Variants in DPP10 observed in about 807,000 individuals in gnomAD.
The protein encoded by DPP10 is dipeptidyl peptidase like 10.
In DPP10, 33 loss-of-function variants were observed where a neutral mutation model predicts 120.9. The ratio of observed to expected loss-of-function variants is 0.27; its 90% CI spans 0.21 to 0.37. DPP10 has a LOEUF of 0.37. Among genes scored for constraint, DPP10 ranks in the 10% least tolerant of loss-of-function variants. The pLI is 1.00. For missense variants in DPP10, 816 were observed against 942.8 expected (o/e 0.87, Z 1.76); for synonymous variants, 337 against 326.1 (o/e 1.03, Z -0.36).
At chr2:114,962,410 C>T (rs189689330) in intron 1 of DPP10, among the ~76,000 whole-genome samples, 23 of 152,174 alleles carry the variant, frequency 1.5e-4, no homozygotes, top group East Asian at 3.9e-4. Context: ...TCATGGGCAT[C>T]GGGCAAGGGA....
chr2:115,585,398 A>G (rs2082226768), intron 5 of DPP10, among the ~76,000 whole-genome samples: 1 of 152,202 alleles, frequency 6.6e-6, no homozygotes, highest in Admixed American at 6.5e-5. Context: ...ATAAATAAAT[A>G]CATAAAAGTA....
intron 3 of DPP10, among the ~76,000 whole-genome samples, chr2:115,369,267 A>C (rs1248725990): frequency 6.6e-6 from 1 of 152,110 alleles, no homozygotes; most frequent in East Asian, 1.9e-4. Context: ...TCAAAAGTAC[A>C]TGAAAGAAAA....
chr2:115,153,636 A>G (rs2051709101), intron 1 of DPP10, among the ~76,000 whole-genome samples: 1 of 152,188 alleles, frequency 6.6e-6, no homozygotes, highest in Non-Finnish European at 1.5e-5. Flanking sequence ...TGCTGTCATC[A>G]CAGCAGCCTA....
chr2:114,706,912 T>C (rs1700720905), intron 1 of DPP10, among the ~76,000 whole-genome samples: 1 of 151,602 alleles, frequency 6.6e-6, no homozygotes, highest in Admixed American at 6.6e-5. Flanking sequence ...CTTCTCTTTA[T>C]AATTTTCTTC....
At chr2:115,735,141 A>G (rs1418905028) in intron 8 of DPP10, among the ~76,000 whole-genome samples, 1 of 152,304 alleles carries the variant, frequency 6.6e-6, no homozygotes, top group South Asian at 2.1e-4. Flanking sequence ...CCAGGGTTTC[A>G]TAGTGGTCAT....
chr2:114,715,318 T>G (rs1477812992), intron 1 of DPP10, among the ~76,000 whole-genome samples: 1 of 152,202 alleles, frequency 6.6e-6, no homozygotes, highest in Admixed American at 6.5e-5. Context: ...ATATATAGTC[T>G]TTTAATGGCC....
chr2:115,372,144 G>C (rs1265181590), intron 3 of DPP10, among the ~76,000 whole-genome samples: 3 of 152,002 alleles, frequency 2.0e-5, no homozygotes, highest in African/African-American at 4.8e-5. Flanking sequence ...ATACAATTTT[G>C]TTGATTATAG....
chr2:115,655,190 A>C (rs1261773470), intron 5 of DPP10, among the ~76,000 whole-genome samples: 2 of 151,706 alleles, frequency 1.3e-5, no homozygotes, highest in African/African-American at 4.8e-5. Flanking sequence ...GGTAATTTTT[A>C]TAATGTCCCA....
At chr2:115,244,994 C>G (rs912379380) in intron 1 of DPP10, among the ~76,000 whole-genome samples, 1 of 151,902 alleles carries the variant, frequency 6.6e-6, no homozygotes, top group African/African-American at 2.4e-5. Context: ...CCCTCAGCTC[C>G]CTCAGCCCCT....
intron 5 of DPP10, among the ~76,000 whole-genome samples, chr2:115,565,279 C>T (rs2080929141): frequency 6.6e-6 from 1 of 152,168 alleles, no homozygotes; most frequent in South Asian, 2.1e-4. Flanking sequence ...ATAAACCCTT[C>T]ACCCAGATTC....
chr2:114,479,619 A>C (rs1222832236), intron 1 of DPP10, among the ~76,000 whole-genome samples: 1 of 152,194 alleles, frequency 6.6e-6, no homozygotes, highest in Non-Finnish European at 1.5e-5. Flanking sequence ...TGGGGAAAGG[A>C]TTCCCTATTT....
chr2:114,954,400 A>C (rs905504596), intron 1 of DPP10, among the ~76,000 whole-genome samples: 3 of 152,062 alleles, frequency 2.0e-5, no homozygotes, highest in Non-Finnish European at 4.4e-5. Flanking sequence ...GCATTTTTTA[A>C]ATAACTTAAG....
chr2:115,293,098 G>A (rs2060727785), intron 1 of DPP10, among the ~76,000 whole-genome samples: 1 of 152,016 alleles, frequency 6.6e-6, no homozygotes, highest in African/African-American at 2.4e-5. Flanking sequence ...TTAACCAAGG[G>A]CACAAAGACT....
rs183972852 is a variant in DPP10, at chr2:115,363,208, A to G, written c.271+19296A>G. 8.6e-4 allele frequency among the ~76,000 whole-genome samples: 131 copies of G among 152,292 alleles called. 2 individuals are homozygous for G. In the East Asian group the frequency reaches 0.024, roughly 28 times the overall value. On this transcript the variant is annotated intron_variant, in intron 3 of 25. Transcript: ENST00000410059. ...AATTTGAATGTTCTCTGGGTTTTCT[A>G]CCATTACCAGTAATGCTAATTATTT...
At chr2:114,792,583 T>C (rs1366907078) in intron 1 of DPP10, among the ~76,000 whole-genome samples, 1 of 152,248 alleles carries the variant, frequency 6.6e-6, no homozygotes, top group Non-Finnish European at 1.5e-5. Flanking sequence ...TTTTCTCTGA[T>C]AAGAATGCCT....
chr2:115,753,611 T>C (rs1057046977), intron 11 of DPP10, among the ~76,000 whole-genome samples: 2 of 152,182 alleles, frequency 1.3e-5, no homozygotes, highest in Non-Finnish European at 2.9e-5. Flanking sequence ...CCATATTTTG[T>C]CTTTGATTAT....
chr2:114,554,254 G>A (rs58181947), intron 1 of DPP10, among the ~76,000 whole-genome samples: 2,728 of 152,270 alleles, frequency 0.018, 97 homozygotes, highest in African/African-American at 0.062. Context: ...TTCTCCTTAA[G>A]ATGTCAACAA....
At chr2:115,309,164 A>T in intron 1 of DPP10, 75 bp from the exon 2 acceptor site, 1 of 1,142,204 alleles carries the variant, frequency 8.8e-7, no homozygotes, top group Middle Eastern at 2.0e-4. Flanking sequence ...TGTGCCATGC[A>T]CTGAATCATT....
At chr2:115,092,693 G>A (rs992452241) in intron 1 of DPP10, among the ~76,000 whole-genome samples, 9 of 152,116 alleles carry the variant, frequency 5.9e-5, no homozygotes, top group African/African-American at 1.9e-4. Context: ...ATTAGAAAAT[G>A]CAACAGGGAT....
Sources: allele counts gnomAD v4.1 joint callset (sites outside exome capture counted in the v4.1 genomes callset), GRCh38; gene constraint gnomAD v4.1.1; transcripts MANE v1.5; gene names NCBI Gene and HGNC (gene_info 2026-07-23, HGNC 2026-07-21).